The following GRIN2A variants were observed in gnomAD, a reference collection of about 807,000 sequenced individuals.
GRIN2A encodes the protein glutamate ionotropic receptor NMDA type subunit 2A.
GRIN2A carries 22 observed loss-of-function variants against 113.4 expected under a neutral mutation model. The ratio of observed to expected loss-of-function variants is 0.19; its 90% CI spans 0.14 to 0.28. The LOEUF (loss-of-function observed/expected upper bound fraction) is 0.28. GRIN2A is among the 10% of genes least tolerant of loss of function. The pLI is 1.00. For synonymous variants in GRIN2A, 827 were observed against 738.4 expected (o/e 1.12, Z -1.94); for missense variants, 1,502 against 1,887.0 (o/e 0.80, Z 3.78).
At chr16:10,146,732 T>C (rs1037368790) in intron 2 of GRIN2A, among the ~76,000 whole-genome samples, 4 of 151,978 alleles carry the variant, frequency 2.6e-5, no homozygotes, top group African/African-American at 7.3e-5. Flanking sequence ...GTAGACAGCA[T>C]TTGCCTAAAT....
intron 11 of GRIN2A, among the ~76,000 whole-genome samples, chr16:9,788,945 T>G (rs1467749418): frequency 6.6e-6 from 1 of 152,072 alleles, no homozygotes; most frequent in Non-Finnish European, 1.5e-5. Flanking sequence ...GGTTTCACCA[T>G]ATTGGCCAGG....
chr16:10,101,695 G>C lies in GRIN2A; in HGVS notation c.414+78303C>G, dbSNP rs190168034. 2.3e-3 allele frequency among the ~76,000 whole-genome samples: 356 copies of C among 152,318 alleles called. 1 individual carries two copies. Among genetic ancestry groups the C allele is most frequent in the African/African-American group, 8.0e-3 (334 of 41,582 alleles). The stretch of plus-strand genomic sequence containing the variant: ...CCAGCAAGGAAAACCTGGGCTGTCA[G>C]TCTACTTTACCAATCCCTGCCTTGG... On this transcript the variant is annotated intron_variant, in intron 2 of 12. Transcript: ENST00000330684.
At position 10,049,358 on chromosome 16, in the gene GRIN2A, C is replaced by A. The variant is rs957643560; in HGVS notation, c.415-110807G>T. On this transcript the variant is annotated intron_variant, in intron 2 of 12. Transcript: ENST00000330684. ...ACCTTCTCAAGTTGTCACAGCATTA[C>A]CACCTTATTTATTGATTTTTTACTA... Among the ~76,000 whole-genome samples, 149 of 152,080 alleles carry A rather than the reference C, an allele frequency of 9.8e-4. 2 individuals are homozygous for A. Among genetic ancestry groups the A allele is most frequent in the African/African-American group, 3.5e-3 (147 of 41,506 alleles).
At chr16:9,918,920 C>A (rs1174326754) in intron 3 of GRIN2A, among the ~76,000 whole-genome samples, 2 of 151,790 alleles carry the variant, frequency 1.3e-5, no homozygotes, top group African/African-American at 4.8e-5. Context: ...TGCCTGTAAT[C>A]CCAGCGTTTT....
chr16:9,861,914 C>T (rs980712089), intron 4 of GRIN2A, among the ~76,000 whole-genome samples: 12 of 152,218 alleles, frequency 7.9e-5, no homozygotes, highest in Admixed American at 7.2e-4. Context: ...TTAAATGCAA[C>T]GATTGGAGGT....
At chr16:10,151,998 T>G (rs537121483) in intron 2 of GRIN2A, among the ~76,000 whole-genome samples, 35 of 152,310 alleles carry the variant, frequency 2.3e-4, no homozygotes, top group African/African-American at 7.7e-4. Context: ...GCACCATGTC[T>G]ACAGAGATGC....
intron 4 of GRIN2A, among the ~76,000 whole-genome samples, chr16:9,869,311 T>A (rs2043216313): frequency 6.6e-6 from 1 of 152,122 alleles, no homozygotes; most frequent in African/African-American, 2.4e-5. Context: ...TACATGCCTG[T>A]AATCTCAGCT....
chr16:9,872,614 A>G (rs556458522), intron 4 of GRIN2A, among the ~76,000 whole-genome samples: 1 of 152,196 alleles, frequency 6.6e-6, no homozygotes, highest in Non-Finnish European at 1.5e-5. Flanking sequence ...AAAATGTGGT[A>G]TATATACACA....
intron 11 of GRIN2A, among the ~76,000 whole-genome samples, chr16:9,778,866 G>A (rs1035577584): frequency 6.6e-6 from 1 of 152,154 alleles, no homozygotes; most frequent in Non-Finnish European, 1.5e-5. Context: ...TAGTCTCCCC[G>A]AGGGAAAACC....
At chr16:9,899,761 T>A (rs1347358940) in intron 3 of GRIN2A, among the ~76,000 whole-genome samples, 1 of 152,172 alleles carries the variant, frequency 6.6e-6, no homozygotes, top group East Asian at 1.9e-4. Flanking sequence ...TCCTGACTTT[T>A]AAGCCAGAGC....
At chr16:9,941,823 A>G (rs544331055) in intron 2 of GRIN2A, among the ~76,000 whole-genome samples, 1 of 152,264 alleles carries the variant, frequency 6.6e-6, no homozygotes, top group Admixed American at 6.5e-5. Flanking sequence ...TATCTCATTT[A>G]ATGCCACCCC....
intron 4 of GRIN2A, among the ~76,000 whole-genome samples, chr16:9,854,814 A>C (rs1025677822): frequency 1.3e-4 from 20 of 152,288 alleles, no homozygotes; most frequent in Non-Finnish European, 2.4e-4. Flanking sequence ...GTAAGGTTTC[A>C]ATCCATTTCC....
chr16:9,959,804 T>A (rs1006833362), intron 2 of GRIN2A, among the ~76,000 whole-genome samples: 2 of 152,100 alleles, frequency 1.3e-5, no homozygotes, highest in African/African-American at 4.8e-5. Context: ...TGAAACCCCA[T>A]CTCTACTAAA....
Position 9,947,875 on chromosome 16 carries a change from G to A in GRIN2A, c.415-9324C>T, listed in dbSNP as rs149103800. ...GCATGTATTACTCTGAGCACATACC[G>A]AGAGCTCCATTAATGAGAGCTGTGA... is the stretch of plus-strand genomic sequence containing the variant. On this transcript the variant is annotated intron_variant, in intron 2 of 12. Coordinates refer to ENST00000330684, the MANE Select transcript of GRIN2A (RefSeq NM_001134407.3). Among the ~76,000 whole-genome samples, 645 of 152,060 alleles carry A rather than the reference G, an allele frequency of 4.2e-3. 1 individual carries two copies. Among genetic ancestry groups the A allele is most frequent in the Non-Finnish European group, 6.8e-3 (465 of 68,000 alleles).
rs1469130276 is a variant in GRIN2A at position 9,840,750 on chromosome 16, C to T, written c.1548G>A (p.Glu516=). 7 of 1,610,408 alleles carry T rather than the reference C, an allele frequency of 4.3e-6. No individual in the cohort carries two copies. Among genetic ancestry groups the T allele is most frequent in the Admixed American group, 1.7e-5 (1 of 59,462 alleles). Residue 516 remains glutamate, a synonymous_variant, in exon 7 of 13, where the codon GAG becomes GAA. Transcript: ENST00000330684. ...VMAVGSLTIN[E]ERSEVVDFSV... ...AGAAGTCCACCACTTCAGAACGTTC[C>T]TCATTGATGGTGAGCGAGCCAACTG...
intron 3 of GRIN2A, among the ~76,000 whole-genome samples, chr16:9,899,755 G>A (rs2043881261): frequency 6.6e-6 from 1 of 152,110 alleles, no homozygotes; most frequent in African/African-American, 2.4e-5. Flanking sequence ...GGTGTGTCCT[G>A]ACTTTTAAGC....
intron 2 of GRIN2A, among the ~76,000 whole-genome samples, chr16:9,950,117 CA>C (rs141921544): frequency 1.4e-3 from 208 of 152,216 alleles, no homozygotes; most frequent in African/African-American, 4.6e-3. Flanking sequence ...CAGATTCAGG[CA>C]AAGTGGATTC....
chr16:10,002,136 T>C (rs1024604351), intron 2 of GRIN2A, among the ~76,000 whole-genome samples: 6 of 152,204 alleles, frequency 3.9e-5, no homozygotes, highest in Non-Finnish European at 7.3e-5. Context: ...TGAGATGGCC[T>C]CATGTATCAC....
chr16:9,846,979 A>C (rs983727479), intron 5 of GRIN2A, among the ~76,000 whole-genome samples: 1 of 152,170 alleles, frequency 6.6e-6, no homozygotes, highest in Non-Finnish European at 1.5e-5. Flanking sequence ...GGGACCTCAT[A>C]ATGGACAATG....
Sources: gnomAD v4.1 joint callset for allele counts (sites outside exome capture counted in the v4.1 genomes callset) on GRCh38, gnomAD v4.1.1 for gene constraint, MANE v1.5 for transcripts, NCBI Gene and HGNC (gene_info 2026-07-23, HGNC 2026-07-21) for gene names.